Variants in CCDC13 observed in about 807,000 individuals in gnomAD.
The protein encoded by CCDC13 is coiled-coil domain containing 13.
Under a neutral mutation model 87.3 loss-of-function variants are expected in CCDC13, and 70 were observed. The observed-to-expected ratio is 0.80, with a 90% CI of 0.66 to 0.98. CCDC13 has a LOEUF of 0.98. CCDC13 is among the 50% of genes least tolerant of loss of function. The pLI is 0.00. For missense variants in CCDC13, 842 were observed against 892.0 expected (o/e 0.94, Z 0.71); for synonymous variants, 317 against 360.3 (o/e 0.88, Z 1.36).
At chr3:42,761,926 A>C (rs1699840941) in intron 1 of CCDC13, among the ~76,000 whole-genome samples, 1 of 152,092 alleles carries the variant, frequency 6.6e-6, no homozygotes, top group Non-Finnish European at 1.5e-5. Context: ...TACTCTACCT[A>C]CCCAAACAGC....
In CCDC13 at chr3:42,708,827, T is replaced by G; in HGVS notation, c.*153A>C. ...CTGCCTTCCTGGCCTGAGACATTGG[T>G]TTTGGTCATCCTTAAGGAGCCTCTT... On this transcript the variant is annotated 3_prime_UTR_variant, in exon 16 of 16. Coordinates refer to ENST00000310232, the MANE Select transcript of CCDC13 (RefSeq NM_144719.4). The G allele has an allele frequency of 2.7e-6, 2 of 730,860 alleles. No individual in the cohort carries two copies. The allele number at this position is 730,860 out of a possible 1,614,324, so 45.3% of individuals were successfully genotyped here. A position where few individuals can be genotyped will look rare whatever the true frequency, so the allele number is the denominator to read the frequency against.
intron 5 of CCDC13, 68 bp from the exon 6 acceptor site, chr3:42,747,441 C>A (rs1575317982): frequency 6.5e-6 from 7 of 1,082,048 alleles, no homozygotes; most frequent in Non-Finnish European, 9.9e-6. Context: ...TCATAGCCCC[C>A]ATTTATCCAA....
chr3:42,742,817 T>G, intron 8 of CCDC13, 79 bp downstream of exon 8: 1 of 1,551,400 alleles, frequency 6.4e-7, no homozygotes, highest in South Asian at 1.2e-5. Flanking sequence ...TCTGACCACA[T>G]GTGCCTCAGA....
intron 1 of CCDC13, among the ~76,000 whole-genome samples, chr3:42,760,606 T>C (rs919334544): frequency 1.3e-5 from 2 of 151,632 alleles, no homozygotes; most frequent in East Asian, 2.0e-4. Flanking sequence ...GAGGTTGCAG[T>C]GAGCCAAGAT....
chr3:42,767,522 T>C (rs1699954031), intron 1 of CCDC13, among the ~76,000 whole-genome samples: 1 of 152,348 alleles, frequency 6.6e-6, no homozygotes, highest in African/African-American at 2.4e-5. Context: ...ACTTGATCTA[T>C]AGATTCAATG....
rs373886792 is a variant in CCDC13, at chr3:42,762,862, C to G, written c.-6-4511G>C. Among the ~76,000 whole-genome samples, 5 of 152,252 alleles carry G rather than the reference C, an allele frequency of 3.3e-5. No homozygotes were observed. The South Asian group carries it at 1.0e-3, about 32-fold the overall frequency. ...ACTTTGGAAGGCCAAGGTGGAAGCA[C>G]AGCTTGAGCCCAGGAGGTTGAGACT... On this transcript the variant is annotated intron_variant, in intron 1 of 15. Coordinates refer to ENST00000310232, the MANE Select transcript of CCDC13 (RefSeq NM_144719.4).
At chr3:42,751,554 G>A (rs952951749) in intron 5 of CCDC13, among the ~76,000 whole-genome samples, 1 of 152,216 alleles carries the variant, frequency 6.6e-6, no homozygotes, top group African/African-American at 2.4e-5. Flanking sequence ...GTCTGGATGT[G>A]TCCCCAGTGA....
chr3:42,771,349 T>C (rs1700099732), intron 1 of CCDC13, among the ~76,000 whole-genome samples: 1 of 152,120 alleles, frequency 6.6e-6, no homozygotes, highest in South Asian at 2.1e-4. Flanking sequence ...GAAGGAACAA[T>C]GAACAGTAAA....
chr3:42,735,932 G>T lies in CCDC13; in HGVS notation c.1165-19C>A. 6.2e-7 allele frequency: 1 copy of T among 1,606,676 alleles called. No individual in the cohort carries two copies. On this transcript the variant is annotated intron_variant, in intron 9 of 15. Transcript: ENST00000310232. ...GCTGGTCCTGGGGGGCCAGGCAGGA[G>T]GGCAGGTGGAGTCAGTCATGGCCCT...
intron 13 of CCDC13, among the ~76,000 whole-genome samples, chr3:42,715,194 G>A (rs1388168645): frequency 2.6e-5 from 4 of 151,902 alleles, no homozygotes; most frequent in African/African-American, 9.7e-5. Context: ...CTGTAATCCC[G>A]GCTATTTGGG....
intron 13 of CCDC13, among the ~76,000 whole-genome samples, chr3:42,723,793 T>C (rs1474062782): frequency 6.6e-6 from 1 of 152,030 alleles, no homozygotes; most frequent in Non-Finnish European, 1.5e-5. Flanking sequence ...AATCAGAAAC[T>C]AATAACCCAT....
intron 8 of CCDC13, among the ~76,000 whole-genome samples, chr3:42,740,458 C>T (rs985949000): frequency 6.6e-6 from 1 of 152,122 alleles, no homozygotes; most frequent in African/African-American, 2.4e-5. Context: ...TCCTGAGGGC[C>T]TACTATGGGC....
rs115897289 is a variant in CCDC13 at position 42,754,031 on chromosome 3, C to T, written c.371-1314G>A. Among the ~76,000 whole-genome samples the T allele has an allele frequency of 6.3e-3, 960 of 152,262 alleles. 12 individuals carry two copies. Among genetic ancestry groups the T allele is most frequent in the African/African-American group, 0.022 (910 of 41,554 alleles). ...CTTGCCCTCTCTGGAGTGCAGCTCC[C>T]CTATCTGTGCAATGGCAGAGGTGGT... On this transcript the variant is annotated intron_variant, in intron 3 of 15. Coordinates refer to ENST00000310232, the MANE Select transcript of CCDC13 (RefSeq NM_144719.4).
At chr3:42,753,442 A>G (rs1166309033) in intron 3 of CCDC13, among the ~76,000 whole-genome samples, 1 of 152,330 alleles carries the variant, frequency 6.6e-6, no homozygotes, top group Middle Eastern at 3.4e-3. Context: ...CATTTAGCAA[A>G]TATTTATTTT....
intron 13 of CCDC13, among the ~76,000 whole-genome samples, chr3:42,721,670 G>A (rs916639267): frequency 1.3e-5 from 2 of 152,166 alleles, no homozygotes; most frequent in Non-Finnish European, 2.9e-5. Context: ...CTTAACTTAT[G>A]GCAACGTAGT....
At position 42,709,011 on chromosome 3, in the gene CCDC13, G is replaced by A. The variant is rs1165775915; in HGVS notation, c.2117C>T (p.Ala706Val). 6.2e-7 allele frequency: 1 copy of A among 1,613,582 alleles called. No individual in the cohort carries two copies. The highest frequency in any genetic ancestry group is 8.5e-7 in the Non-Finnish European group (1 of 1,179,722). The change falls in exon 16 of 16, where the codon GCC becomes GTC. Residue 706 changes from alanine to valine, a missense_variant. By Grantham distance (64) the Ala-to-Val change is moderately conservative. Transcript: ENST00000310232. Reference sequence around the variant, plus strand: ...CTTGCCTGTCTTCTGCTGCCGCAGGGCCTGCAGGAAGACACTTTTCACCTG... The same window carrying A: ...CTTGCCTGTCTTCTGCTGCCGCAGGACCTGCAGGAAGACACTTTTCACCTG... ...LGQVKSVFLQALRQQKTGKQ is the reference protein window; with the variant it reads ...LGQVKSVFLQVLRQQKTGKQ
chr3:42,751,092 A>ACTGAATTAT (rs1447319779), intron 5 of CCDC13, among the ~76,000 whole-genome samples: 2 of 152,170 alleles, frequency 1.3e-5, no homozygotes, highest in Non-Finnish European at 2.9e-5. Context: ...CACAGCGAGG[A>ACTGAATTAT]CTGAATTATC....
At chr3:42,738,970 G>T (rs144844460) in intron 9 of CCDC13, among the ~76,000 whole-genome samples, 1 of 152,320 alleles carries the variant, frequency 6.6e-6, no homozygotes, top group African/African-American at 2.4e-5. Context: ...GTGAGAGAGG[G>T]CATCCTTGTC....
intron 5 of CCDC13, 59 bp downstream of exon 5, chr3:42,751,877 G>C: frequency 6.7e-7 from 1 of 1,481,830 alleles, no homozygotes. Flanking sequence ...CTGTGGAGGA[G>C]GGGAGGCCCA....
Sources: allele counts gnomAD v4.1 joint callset (sites outside exome capture counted in the v4.1 genomes callset), GRCh38; gene constraint gnomAD v4.1.1; transcripts MANE v1.5; gene names NCBI Gene and HGNC (gene_info 2026-07-23, HGNC 2026-07-21).